PCDHGB5: variants seen among roughly 807,000 people sequenced by gnomAD.
PCDHGB5 encodes protocadherin gamma-B5.
In PCDHGB5, 48 loss-of-function variants were observed where a neutral mutation model predicts 62.9. The ratio of observed to expected loss-of-function variants is 0.76; its 90% confidence interval spans 0.61 to 0.97. The LOEUF (loss-of-function observed/expected upper bound fraction) is 0.97, where lower values mean the gene tolerates loss of function less well. Ranked by LOEUF, PCDHGB5 falls within the 50% of genes least tolerant of loss-of-function variation. The pLI is 0.00. For missense variants in PCDHGB5, 1,118 were observed against 1,198.6 expected (o/e 0.93, Z 0.99); for synonymous variants, 474 against 511.2 (o/e 0.93, Z 0.98).
Position 141,476,292 on chromosome 5 carries a change from G to A in PCDHGB5, c.2398-18515G>A. The A allele has an allele frequency of 1.9e-6, 3 of 1,614,144 alleles. No homozygotes were observed. The highest frequency in any genetic ancestry group is 2.5e-6 in the Non-Finnish European group (3 of 1,180,016). On this transcript the variant is annotated intron_variant, in intron 1 of 3. Transcript: ENST00000617380. This position sits in a 1 kb window ranked among gnomAD's most constrained non-coding sequence, Gnocchi z 7.6. ...GTCGCGAACCTTGGTTTGGATCTCGGTAGCCTCTCAGCCCGCAGGTTCCGG... is the reference window on the plus strand; with the variant it reads ...GTCGCGAACCTTGGTTTGGATCTCGATAGCCTCTCAGCCCGCAGGTTCCGG...
Position 141,421,318 on chromosome 5 carries a change from C to T in PCDHGB5, c.2397+20794C>T, listed in dbSNP as rs370020854. 5.6e-6 allele frequency: 9 copies of T among 1,613,824 alleles called. No homozygotes were observed. In the East Asian group the frequency reaches 2.0e-4, roughly 36 times the overall value. On this transcript the variant is annotated intron_variant, in intron 1 of 3. Coordinates refer to ENST00000617380, the MANE Select transcript of PCDHGB5 (RefSeq NM_018925.3). ...GACGCTGCGGGGGTTCCGGGCCAGG[C>T]AGATCCGATATTCGGTGCCAGAAGA...
intron 1 of PCDHGB5, among the ~76,000 whole-genome samples, chr5:141,467,254 T>C (rs1291193879): frequency 2.0e-5 from 3 of 152,248 alleles, no homozygotes; most frequent in Admixed American, 6.5e-5. Flanking sequence ...GGTTTCACCA[T>C]GTTGGCCAGG....
chr5:141,502,577 A>G (rs1260539435), intron 2 of PCDHGB5, among the ~76,000 whole-genome samples: 2 of 152,192 alleles, frequency 1.3e-5, no homozygotes, highest in African/African-American at 4.8e-5. Context: ...TTATAAAAAT[A>G]TATTTTTATA....
chr5:141,448,166 A>G (rs1475687778), intron 1 of PCDHGB5, among the ~76,000 whole-genome samples: 2 of 151,978 alleles, frequency 1.3e-5, no homozygotes, highest in Non-Finnish European at 2.9e-5. Context: ...AAAGATCACT[A>G]CTATTCATCC....
intron 1 of PCDHGB5, among the ~76,000 whole-genome samples, chr5:141,429,706 T>G (rs191069331): frequency 7.6e-4 from 116 of 152,354 alleles, no homozygotes; most frequent in African/African-American, 2.5e-3. Flanking sequence ...ACAGTATAAA[T>G]ATTTACGCTC....
chr5:141,490,331 C>G lies in PCDHGB5; in HGVS notation c.2398-4476C>G. 6.2e-7 allele frequency: 1 copy of G among 1,614,214 alleles called. No individual in the cohort carries two copies. The highest frequency in any genetic ancestry group is 1.1e-5 in the South Asian group (1 of 91,086). The stretch of plus-strand genomic sequence containing the variant: ...GCCAACCCTGTCCTAGAGAGCACAC[C>G]AGTGGGCACAGTAGTGGGGTTGTTT... On this transcript the variant is annotated intron_variant, in intron 1 of 3. Transcript: ENST00000617380. This position sits in a 1 kb window ranked among gnomAD's most constrained non-coding sequence, Gnocchi z 5.4.
intron 3 of PCDHGB5, among the ~76,000 whole-genome samples, chr5:141,510,378 C>A (rs919650449): frequency 6.6e-6 from 1 of 151,786 alleles, no homozygotes; most frequent in East Asian, 2.0e-4. Flanking sequence ...TCTACTCGTG[C>A]CAGGCCTTGC....
At chr5:141,465,779 G>GTT (rs879859429) in intron 1 of PCDHGB5, among the ~76,000 whole-genome samples, 3 of 145,118 alleles carry the variant, frequency 2.1e-5, no homozygotes, top group Non-Finnish European at 3.0e-5. Context: ...TCTTGTTACA[G>GTT]TTTTTTTTTT....
chr5:141,491,855 G>A lies in PCDHGB5; in HGVS notation c.2398-2952G>A. ...TTCTCGGGATCATTGGACCGTTTGC[G>A]CGAAACCAGAGTGGCCGATTAAGGG... On this transcript the variant is annotated intron_variant, in intron 1 of 3. Coordinates refer to ENST00000617380, the MANE Select transcript of PCDHGB5 (RefSeq NM_018925.3). The surrounding 1 kb of genome is among the most constrained non-coding windows in gnomAD (Gnocchi z 6.9). The A allele has an allele frequency of 2.7e-6, 4 of 1,459,380 alleles. No individual in the cohort carries two copies. The highest frequency in any genetic ancestry group is 3.6e-6 in the Non-Finnish European group (4 of 1,103,492). The allele number at this position is 1,459,380 out of a possible 1,614,324, so 90.4% of individuals were successfully genotyped here. A position where few individuals can be genotyped will look rare whatever the true frequency, so the allele number is the denominator to read the frequency against.
chr5:141,400,462 G>T lies in PCDHGB5; in HGVS notation c.2335G>T (p.Asp779Tyr), dbSNP rs141917215. 2.3e-4 allele frequency: 379 copies of T among 1,614,062 alleles called. 2 individuals carry two copies. The African/African-American group carries it at 4.7e-3, about 20-fold the overall frequency. The stretch of plus-strand genomic sequence containing the variant: ...TTCAGGACAAGACATACTTTGTGGT[G>T]ATTCATCTGGGGCCTTATTTCCACT... ...LSSGQDILCG[D>Y]SSGALFPLCN... The change falls in exon 1 of 4, where the codon GAT becomes TAT. Residue 779 changes from aspartate (D) to tyrosine (Y), a missense_variant. Asp to Tyr is a radical substitution (Grantham distance 160). Transcript: ENST00000617380.
At chr5:141,418,830 G>T (rs371820904) in intron 1 of PCDHGB5, 44 of 1,613,858 alleles carry the variant, frequency 2.7e-5, no homozygotes, top group Non-Finnish European at 3.6e-5. Flanking sequence ...GCAAAAGACC[G>T]AGGATCTCTC....
intron 1 of PCDHGB5, among the ~76,000 whole-genome samples, chr5:141,439,495 C>A (rs142329128): frequency 6.6e-6 from 1 of 152,206 alleles, no homozygotes; most frequent in Non-Finnish European, 1.5e-5. Context: ...CAGTGAGAAA[C>A]GTCTTTCTCT....
Position 141,441,798 on chromosome 5 carries a change from CGGGT to C in PCDHGB5, c.2397+41276_2397+41279del, listed in dbSNP as rs1242635625. 6.4e-4 allele frequency: 248 copies of C among 387,326 alleles called. 2 individuals are homozygous for C. The highest frequency in any genetic ancestry group is 4.8e-3 in the African/African-American group (220 of 46,120). 24.0% of individuals were successfully genotyped at this position (387,326 alleles called of 1,614,324 possible). A position where few individuals can be genotyped will look rare whatever the true frequency, so the allele number is the denominator to read the frequency against. ...GGACGACCTGAATGACAACGCACCG[CGGGT>C]GCTGTACCCCAGCTCTGGAGCGCAA... On this transcript the variant is annotated intron_variant, in intron 1 of 3. Transcript: ENST00000617380.
chr5:141,456,098 C>T (rs1222639126), intron 1 of PCDHGB5, among the ~76,000 whole-genome samples: 2 of 151,980 alleles, frequency 1.3e-5, no homozygotes, highest in Non-Finnish European at 2.9e-5. Flanking sequence ...GGGATTTCAC[C>T]GTGTTAGCCA....
intron 1 of PCDHGB5, among the ~76,000 whole-genome samples, chr5:141,469,951 T>C (rs1467717372): frequency 6.6e-6 from 1 of 152,034 alleles, no homozygotes; most frequent in African/African-American, 2.4e-5. Flanking sequence ...GCCAGCATGG[T>C]GAAACCCCAT....
intron 1 of PCDHGB5, chr5:141,421,983 T>G: frequency 6.2e-7 from 1 of 1,609,228 alleles, no homozygotes; most frequent in Non-Finnish European, 8.5e-7. Context: ...GCGTGAGTGT[T>G]CCAGAAAACA....
At chr5:141,466,655 AT>A (rs754296083) in intron 1 of PCDHGB5, among the ~76,000 whole-genome samples, 3 of 152,206 alleles carry the variant, frequency 2.0e-5, no homozygotes, top group Non-Finnish European at 4.4e-5. Context: ...TTCACAAAAC[AT>A]CAGTGATTTC....
chr5:141,431,767 T>G lies in PCDHGB5; in HGVS notation c.2397+31243T>G, dbSNP rs1397063213. On this transcript the variant is annotated intron_variant, in intron 1 of 3. Coordinates refer to ENST00000617380, the MANE Select transcript of PCDHGB5 (RefSeq NM_018925.3). The surrounding 1 kb of genome is among the most constrained non-coding windows in gnomAD (Gnocchi z 4.8). ...CTGCGCGAGCCAAAGTCCTGATCAC[T>G]GTTCTGGACGTGAACGACAATGCCC... The G allele has an allele frequency of 6.2e-7, 1 of 1,614,224 alleles. No individual in the cohort carries two copies.
intron 1 of PCDHGB5, chr5:141,415,466 C>T (rs1187128064): frequency 6.2e-7 from 1 of 1,614,224 alleles, no homozygotes. Flanking sequence ...GTCTCTCTCA[C>T]CGCGGACTCG....
Sources: allele counts gnomAD v4.1 joint callset (sites outside exome capture counted in the v4.1 genomes callset), GRCh38; gene constraint gnomAD v4.1.1; non-coding constraint Gnocchi (gnomAD v3.1); transcripts MANE v1.5; gene names NCBI Gene and HGNC (gene_info 2026-07-23, HGNC 2026-07-21).